Variants in GLRA2 observed in about 807,000 individuals in gnomAD.
The protein encoded by GLRA2 is glycine receptor subunit alpha-2.
Under a neutral mutation model 31.6 loss-of-function variants are expected in GLRA2, and 11 were observed. The ratio of observed to expected loss-of-function variants is 0.35; its 90% CI spans 0.22 to 0.58. GLRA2 has a LOEUF of 0.58. Among genes scored for constraint, GLRA2 ranks in the 20% least tolerant of loss-of-function variants. GLRA2 has a pLI of 0.84. For synonymous variants in GLRA2, 132 were observed against 134.0 expected (o/e 0.99, Z 0.10); for missense variants, 212 against 351.8 (o/e 0.60, Z 3.18).
rs750424800 is a variant in GLRA2, at chrX:14,669,176, C to T, written c.931-21534C>T. 3.0e-3 allele frequency among the ~76,000 whole-genome samples: 334 copies of T among 112,470 alleles called. 1 individual carries two copies. Among genetic ancestry groups the T allele is most frequent in the South Asian group, 8.9e-3 (24 of 2,711 alleles). On this transcript the variant is annotated intron_variant, in intron 7 of 8. Transcript: ENST00000218075. ...AGCCCCAAAATGATCTCCTTTGACT[C>T]CATGTCTCACATCCAGGTGACTCTG... is the stretch of plus-strand genomic sequence containing the variant.
the GLRA2 span, among the ~76,000 whole-genome samples, chrX:14,474,232 C>G: frequency 9.0e-6 from 1 of 111,540 alleles, no homozygotes; most frequent in Non-Finnish European, 1.9e-5. Flanking sequence ...CAGATTATTT[C>G]AATCTCTCAT....
chrX:14,502,417 T>G, the GLRA2 span, among the ~76,000 whole-genome samples: 8 of 112,194 alleles, frequency 7.1e-5, no homozygotes, highest in East Asian at 2.8e-4. Context: ...TATTGATATA[T>G]GTAAAAATAT....
chrX:14,635,765 C>T (rs933704261), intron 7 of GLRA2, among the ~76,000 whole-genome samples: 10 of 111,713 alleles, frequency 9.0e-5, no homozygotes, highest in African/African-American at 2.9e-4. Flanking sequence ...TTAATGAGAT[C>T]ATGTGAAATG....
chrX:14,478,552 C>T, the GLRA2 span, among the ~76,000 whole-genome samples: 1 of 111,799 alleles, frequency 8.9e-6, no homozygotes, highest in African/African-American at 3.2e-5. Flanking sequence ...TGTTTACCTT[C>T]TTCTAGTCAT....
intron 8 of GLRA2, among the ~76,000 whole-genome samples, chrX:14,715,958 C>T (rs1192587803): frequency 1.8e-5 from 2 of 111,537 alleles, no homozygotes; most frequent in East Asian, 5.6e-4. Context: ...AATGTAGGTC[C>T]CTTGTTTAAA....
At chrX:14,501,428 T>C in the GLRA2 span, among the ~76,000 whole-genome samples, 1 of 111,629 alleles carries the variant, frequency 9.0e-6, no homozygotes, top group Non-Finnish European at 1.9e-5. Flanking sequence ...TCCTCCTCCT[T>C]GACTGGATCG....
the GLRA2 span, among the ~76,000 whole-genome samples, chrX:14,476,519 A>C: frequency 9.0e-6 from 1 of 111,407 alleles, no homozygotes; most frequent in South Asian, 3.7e-4. Context: ...TTGTTCTGTA[A>C]AGTTAGATTA....
chrX:14,567,127 C>A (rs753492018), intron 2 of GLRA2, among the ~76,000 whole-genome samples: 2 of 111,640 alleles, frequency 1.8e-5, no homozygotes, highest in East Asian at 5.6e-4. Context: ...TGCTGGGGGA[C>A]AGTAGTTAAC....
chrX:14,506,162 T>TG, the GLRA2 span, among the ~76,000 whole-genome samples: 1 of 111,603 alleles, frequency 9.0e-6, no homozygotes, highest in Admixed American at 9.5e-5. Flanking sequence ...GGTATGAATA[T>TG]GGGTAATGGA....
chrX:14,622,394 T>C (rs1408456604), intron 7 of GLRA2, among the ~76,000 whole-genome samples: 2 of 112,061 alleles, frequency 1.8e-5, no homozygotes, highest in Non-Finnish European at 3.8e-5. Flanking sequence ...ATTTTGGCTT[T>C]TGTTGCCATT....
At chrX:14,552,629 A>G (rs1274100372) in intron 2 of GLRA2, among the ~76,000 whole-genome samples, 7 of 111,785 alleles carry the variant, frequency 6.3e-5, no homozygotes, top group Admixed American at 3.8e-4. Context: ...TACAGGTCAT[A>G]TGACTGGAGA....
At chrX:14,708,775 A>G (rs1240899145) in intron 8 of GLRA2, among the ~76,000 whole-genome samples, 1 of 111,667 alleles carries the variant, frequency 9.0e-6, no homozygotes, top group Non-Finnish European at 1.9e-5. Flanking sequence ...CGTCTCTACT[A>G]AAAATACAAA....
the GLRA2 span, among the ~76,000 whole-genome samples, chrX:14,488,501 T>C: frequency 8.9e-6 from 1 of 111,989 alleles, no homozygotes; most frequent in Non-Finnish European, 1.9e-5. Context: ...CTAGAGATGG[T>C]ACAGCAGGAG....
At chrX:14,566,024 C>A (rs746684720) in intron 2 of GLRA2, among the ~76,000 whole-genome samples, 30 of 110,906 alleles carry the variant, frequency 2.7e-4, no homozygotes, top group Non-Finnish European at 5.3e-4. Context: ...TAAACGAAAC[C>A]AGAAGTTTGT....
At chrX:14,544,179 C>G (rs1193092314) in intron 2 of GLRA2, among the ~76,000 whole-genome samples, 1 of 111,683 alleles carries the variant, frequency 9.0e-6, no homozygotes, top group Non-Finnish European at 1.9e-5. Context: ...CCTGCTTCAT[C>G]TACATGAATA....
At chrX:14,483,249 C>T in the GLRA2 span, among the ~76,000 whole-genome samples, 1 of 111,633 alleles carries the variant, frequency 9.0e-6, no homozygotes, top group African/African-American at 3.3e-5. Flanking sequence ...GTTACTATGC[C>T]ATACAGTTTT....
chrX:14,594,247 G>C (rs774324407), intron 4 of GLRA2, among the ~76,000 whole-genome samples: 21 of 111,271 alleles, frequency 1.9e-4, no homozygotes, highest in African/African-American at 6.9e-4. Flanking sequence ...GCTTACACGT[G>C]TTCTCTTCCC....
At chrX:14,713,364 C>T (rs1344537585) in intron 8 of GLRA2, among the ~76,000 whole-genome samples, 1 of 111,945 alleles carries the variant, frequency 8.9e-6, no homozygotes, top group East Asian at 2.8e-4. Flanking sequence ...TTTTGTGTGT[C>T]TTTTGAGCAC....
chrX:14,511,284 A>T, the GLRA2 span, among the ~76,000 whole-genome samples: 39 of 112,116 alleles, frequency 3.5e-4, no homozygotes, highest in African/African-American at 1.2e-3. Context: ...TCTTTAGTTG[A>T]TTATGTTTTT....
Sources: allele counts gnomAD v4.1 joint callset (sites outside exome capture counted in the v4.1 genomes callset), GRCh38; gene constraint gnomAD v4.1.1; transcripts MANE v1.5; gene names NCBI Gene and HGNC (gene_info 2026-07-23, HGNC 2026-07-21).